Variants in SUGT1 observed in about 807,000 individuals in gnomAD.
SUGT1 encodes SGT1 assembly cochaperone of MIS12 kinetochore complex.
Under a neutral mutation model 56.1 loss-of-function variants are expected in SUGT1, and 15 were observed. The ratio of observed to expected loss-of-function variants is 0.27; its 90% confidence interval spans 0.18 to 0.41. The LOEUF (loss-of-function observed/expected upper bound fraction) is 0.41, where lower values mean the gene tolerates loss of function less well. Ranked by LOEUF, SUGT1 falls within the 10% of genes least tolerant of loss-of-function variation. The pLI, the probability that SUGT1 is intolerant of heterozygous loss-of-function variation, is 1.00. For synonymous variants in SUGT1, 123 were observed against 128.6 expected (o/e 0.96, Z 0.30); for missense variants, 347 against 382.2 (o/e 0.91, Z 0.77).
Position 52,662,706 on chromosome 13 carries a change from T to C in SUGT1, c.382+4T>C. The C allele has an allele frequency of 1.2e-6, 2 of 1,613,060 alleles. No homozygotes were observed. Among genetic ancestry groups the C allele is most frequent in the Non-Finnish European group, 1.7e-6 (2 of 1,179,604 alleles). ...AGGTGTCAAGAAGCTCAGAATGGTA[T>C]GTGGGTCTCCCTTGGTATTTGTTTC... On this transcript the variant is annotated splice_donor_region_variant and intron_variant, in intron 6 of 12. Transcript: ENST00000310528.
In SUGT1 at chr13:52,676,288, G is replaced by A; in HGVS notation, c.686G>A (p.Gly229Glu). Residue 229 changes from glycine to glutamate, a missense_variant, in exon 11 of 13, where the codon GGA becomes GAA. Transcript: ENST00000310528. ...AGATGGGAAAAGCTAGAGGGGCAAG[G>A]AGATGTGCCTACGCCAAAACAATTC... ...AVRWEKLEGQ[G>E]DVPTPKQFVA... The A allele has an allele frequency of 1.2e-6, 2 of 1,613,180 alleles. No individual in the cohort carries two copies. The highest frequency in any genetic ancestry group is 1.7e-6 in the Non-Finnish European group (2 of 1,179,534).
chr13:52,652,861 T>G lies in SUGT1; in HGVS notation c.-60T>G. 6.3e-7 allele frequency: 1 copy of G among 1,588,150 alleles called. No homozygotes were observed. Among genetic ancestry groups the G allele is most frequent in the African/African-American group, 1.3e-5 (1 of 74,504 alleles). On this transcript the variant is annotated 5_prime_UTR_variant, in exon 1 of 13. Transcript: ENST00000310528. Reference sequence around the variant, plus strand: ...CTCCAGAAGTTTCCCCCTTGGGCGGTGGTGGAGGTGGTAACCGTGATAGTA... The same window carrying G: ...CTCCAGAAGTTTCCCCCTTGGGCGGGGGTGGAGGTGGTAACCGTGATAGTA...
intron 10 of SUGT1, among the ~76,000 whole-genome samples, chr13:52,668,656 T>G (rs1962812993): frequency 6.6e-6 from 1 of 152,102 alleles, no homozygotes; most frequent in Admixed American, 6.5e-5. Context: ...TAGAATTTGT[T>G]TAATAAAAGA....
chr13:52,663,275 A>T (rs1962546565), intron 7 of SUGT1, among the ~76,000 whole-genome samples, 163 bp downstream of exon 7: 1 of 152,202 alleles, frequency 6.6e-6, no homozygotes, highest in Admixed American at 6.5e-5. Context: ...ATTTTTTGAT[A>T]AATATAGAAG....
intron 10 of SUGT1, among the ~76,000 whole-genome samples, chr13:52,667,815 G>A (rs1051114000): frequency 3.9e-5 from 6 of 152,064 alleles, no homozygotes; most frequent in Admixed American, 6.6e-5. Context: ...TTTAGTCTAG[G>A]CACAAAATGA....
In SUGT1 at chr13:52,689,366, G is replaced by A. The variant is rs1456960646; in HGVS notation, c.*1531G>A. 1 of 152,064 alleles carries A rather than the reference G, an allele frequency of 6.6e-6. No individual in the cohort carries two copies. Among genetic ancestry groups the A allele is most frequent in the African/African-American group, 2.4e-5 (1 of 41,404 alleles). 9.4% of individuals were successfully genotyped at this position (152,064 alleles called of 1,614,324 possible). On this transcript the variant is annotated 3_prime_UTR_variant, in exon 13 of 13. Transcript: ENST00000310528. ...CTAAAGTTTTCTTCTTAGGAAAATAGGATAGTGACTTTTGTATTCTGTATG... is the reference window on the plus strand; with the variant it reads ...CTAAAGTTTTCTTCTTAGGAAAATAAGATAGTGACTTTTGTATTCTGTATG...
chr13:52,689,587 A>C lies in SUGT1; in HGVS notation c.*1752A>C, dbSNP rs1336580467. The C allele has an allele frequency of 6.6e-6, 1 of 152,208 alleles. No homozygotes were observed. The highest frequency in any genetic ancestry group is 2.4e-5 in the African/African-American group (1 of 41,460). The allele number at this position is 152,208 out of a possible 1,614,324, so 9.4% of individuals were successfully genotyped here. A position where few individuals can be genotyped will look rare whatever the true frequency, so the allele number is the denominator to read the frequency against. ...CTTTGTAAATAATCCATAGAGTCTT[A>C]GAGTTATAATTAAAGGTCCATGGTT... is the stretch of plus-strand genomic sequence containing the variant. On this transcript the variant is annotated 3_prime_UTR_variant, in exon 13 of 13. Coordinates refer to ENST00000310528, the MANE Select transcript of SUGT1 (RefSeq NM_006704.5).
chr13:52,658,214 A>T (rs1962254805), intron 3 of SUGT1, 185 bp from the exon 4 acceptor site: 1 of 1,510,126 alleles, frequency 6.6e-7, no homozygotes, highest in Non-Finnish European at 8.8e-7. Flanking sequence ...CTAAATGTTA[A>T]GCCAAAAGGA....
rs1310977109 is a variant in SUGT1, at chr13:52,693,124, A to G, written c.*5289A>G. 2.0e-5 allele frequency: 3 copies of G among 151,616 alleles called. No homozygotes were observed. In the East Asian group the frequency reaches 5.8e-4, roughly 29 times the overall value. The allele number at this position is 151,616 out of a possible 1,614,324, so 9.4% of individuals were successfully genotyped here. A position where few individuals can be genotyped will look rare whatever the true frequency, so the allele number is the denominator to read the frequency against. ...TAACTTATGTTAGCATTTTGTATATATATATATATTTGAATTTTGGCTTGT... is the reference window on the plus strand; with the variant it reads ...TAACTTATGTTAGCATTTTGTATATGTATATATATTTGAATTTTGGCTTGT... On this transcript the variant is annotated 3_prime_UTR_variant, in exon 13 of 13. Coordinates refer to ENST00000310528, the MANE Select transcript of SUGT1 (RefSeq NM_006704.5).
Position 52,691,717 on chromosome 13 carries a change from G to A in SUGT1, c.*3882G>A, listed in dbSNP as rs1007061225. 2 of 152,140 alleles carry A rather than the reference G, an allele frequency of 1.3e-5. No individual in the cohort carries two copies. The highest frequency in any genetic ancestry group is 1.9e-4 in the East Asian group (1 of 5,190). 9.4% of individuals were successfully genotyped at this position (152,140 alleles called of 1,614,324 possible). A position where few individuals can be genotyped will look rare whatever the true frequency, so the allele number is the denominator to read the frequency against. On this transcript the variant is annotated 3_prime_UTR_variant, in exon 13 of 13. Coordinates refer to ENST00000310528, the MANE Select transcript of SUGT1 (RefSeq NM_006704.5). ...CTCATACCTGCTACTGTAACCATATGACAGTATGGATTTAAGTTATTTCTG... is the reference window on the plus strand; with the variant it reads ...CTCATACCTGCTACTGTAACCATATAACAGTATGGATTTAAGTTATTTCTG...
chr13:52,667,490 A>G (rs910087275), intron 10 of SUGT1, among the ~76,000 whole-genome samples: 3 of 152,176 alleles, frequency 2.0e-5, no homozygotes, highest in Admixed American at 1.3e-4. Context: ...GACTACAGGC[A>G]TGCACCACCA....
Position 52,688,449 on chromosome 13 carries a change from CAT to C in SUGT1, c.*616_*617del. ...TTACCTTGCAAGTTTCTGTATAAAA[CAT>C]AGATACCTGAGTTTTAACACACTGC... is the stretch of plus-strand genomic sequence containing the variant. On this transcript the variant is annotated 3_prime_UTR_variant, in exon 13 of 13. Coordinates refer to ENST00000310528, the MANE Select transcript of SUGT1 (RefSeq NM_006704.5). The C allele has an allele frequency of 6.6e-6, 1 of 152,316 alleles. No individual in the cohort carries two copies. The highest frequency in any genetic ancestry group is 3.4e-3 in the Middle Eastern group (1 of 294). The allele number at this position is 152,316 out of a possible 1,614,324, so 9.4% of individuals were successfully genotyped here.
intron 11 of SUGT1, among the ~76,000 whole-genome samples, chr13:52,679,331 T>C (rs1262647632): frequency 6.6e-6 from 1 of 152,198 alleles, no homozygotes; most frequent in Non-Finnish European, 1.5e-5. Context: ...ATACTATTAT[T>C]TGCTAGGTGT....
chr13:52,688,838 T>C lies in SUGT1; in HGVS notation c.*1003T>C, dbSNP rs1167483406. ...CATTCATGAAGGAACTGTGGAAAGATTGAATGCTGAACTCGGTATAAATAC... is the reference window on the plus strand; with the variant it reads ...CATTCATGAAGGAACTGTGGAAAGACTGAATGCTGAACTCGGTATAAATAC... On this transcript the variant is annotated 3_prime_UTR_variant, in exon 13 of 13. Coordinates refer to ENST00000310528, the MANE Select transcript of SUGT1 (RefSeq NM_006704.5). 6.6e-6 allele frequency: 1 copy of C among 152,200 alleles called. No homozygotes were observed. The highest frequency in any genetic ancestry group is 1.5e-5 in the Non-Finnish European group (1 of 68,046). 9.4% of individuals were successfully genotyped at this position (152,200 alleles called of 1,614,324 possible).
chr13:52,665,490 AT>A (rs1962657986), intron 8 of SUGT1, 146 bp from the exon 9 acceptor site: 1 of 563,236 alleles, frequency 1.8e-6, no homozygotes, highest in African/African-American at 2.4e-5. Context: ...AACTAGTTAT[AT>A]AAAGTTGTTT....
At chr13:52,677,248 T>G (rs367972257) in intron 11 of SUGT1, among the ~76,000 whole-genome samples, 1 of 152,156 alleles carries the variant, frequency 6.6e-6, no homozygotes, top group East Asian at 1.9e-4. Flanking sequence ...TTTAGAAATT[T>G]CAAAAATAAG....
At position 52,680,053 on chromosome 13, in the gene SUGT1, A is replaced by T; in HGVS notation, c.798A>T (p.Glu266Asp). The T allele has an allele frequency of 6.2e-7, 1 of 1,600,100 alleles. No homozygotes were observed. Among genetic ancestry groups the T allele is most frequent in the Non-Finnish European group, 8.5e-7 (1 of 1,176,510 alleles). Residue 266 changes from glutamate (E) to aspartate (D), a missense_variant, in exon 12 of 13, where the codon GAA becomes GAT. By Grantham distance (45) the Glu-to-Asp change is conservative. Transcript: ENST00000310528. ...DKLVGEIKEEEKNEKLEGDAA... is the reference protein window; with the variant it reads ...DKLVGEIKEEDKNEKLEGDAA... ...TGGTTGGTGAGATCAAAGAAGAAGA[A>T]AAGAATGAAAAGTTGGAGGGAGATG...
chr13:52,684,624 G>C lies in SUGT1; in HGVS notation c.901-3110G>C, dbSNP rs191681717. On this transcript the variant is annotated intron_variant, in intron 12 of 12. Coordinates refer to ENST00000310528, the MANE Select transcript of SUGT1 (RefSeq NM_006704.5). ...TGCGATCGTGGCTCAGTGCAGCCTTGACCTCCTGGGCTCGAGTAATCCTCC... is the reference window on the plus strand; with the variant it reads ...TGCGATCGTGGCTCAGTGCAGCCTTCACCTCCTGGGCTCGAGTAATCCTCC... 1.8e-3 allele frequency among the ~76,000 whole-genome samples: 276 copies of C among 151,982 alleles called. 2 individuals are homozygous for C. Among genetic ancestry groups the C allele is most frequent in the African/African-American group, 6.2e-3 (258 of 41,460 alleles).
rs895013125 is a variant in SUGT1, at chr13:52,665,684, T to G, written c.470T>G (p.Ile157Ser). The change falls in exon 9 of 13, where the codon ATC becomes AGC. Residue 157 changes from isoleucine (I) to serine (S), a missense_variant. By Grantham distance (142) the Ile-to-Ser change is moderately radical. Transcript: ENST00000310528. ...TESQVVITLMIKNVQKNDVNV... is the reference protein window; with the variant it reads ...TESQVVITLMSKNVQKNDVNV... ...TCTCAAGTAGTCATTACACTTATGA[T>G]CAAGAATGTTCAGAAGAATGATGTA... 2 of 1,608,610 alleles carry G rather than the reference T, an allele frequency of 1.2e-6. No individual in the cohort carries two copies. Among genetic ancestry groups the G allele is most frequent in the Non-Finnish European group, 1.7e-6 (2 of 1,178,430 alleles).
Sources: allele counts gnomAD v4.1 joint callset (sites outside exome capture counted in the v4.1 genomes callset), GRCh38; gene constraint gnomAD v4.1.1; transcripts MANE v1.5; gene names NCBI Gene and HGNC (gene_info 2026-07-23, HGNC 2026-07-21).